ERBIN: variants seen among roughly 807,000 people sequenced by gnomAD.
The protein encoded by ERBIN is erbb2 interacting protein, also known as densin-180-like protein.
ERBIN carries 60 observed loss-of-function variants against 158.4 expected under a neutral mutation model. That is an observed-to-expected ratio of 0.38 (90% CI 0.31 to 0.47). The LOEUF is 0.47. Ranked by LOEUF, ERBIN falls within the 20% of genes least tolerant of loss-of-function variation. The pLI is 0.99. For synonymous variants in ERBIN, 594 were observed against 557.2 expected, an observed-to-expected ratio of 1.07 and a Z score of -0.93; for missense variants, 1,610 against 1,648.0, an observed-to-expected ratio of 0.98 and a Z score of 0.40.
intron 1 of ERBIN, among the ~76,000 whole-genome samples, chr5:65,975,199 G>T (rs1749718546): frequency 6.6e-6 from 1 of 152,124 alleles, no homozygotes; most frequent in Admixed American, 6.6e-5. Flanking sequence ...GTAGAGACAG[G>T]ATTTCACTAT....
chr5:65,953,339 T>A (rs1746736646), intron 1 of ERBIN, among the ~76,000 whole-genome samples: 1 of 152,192 alleles, frequency 6.6e-6, no homozygotes, highest in South Asian at 2.1e-4. Context: ...TATTTTAGGT[T>A]CTGCATACCC....
intron 1 of ERBIN, among the ~76,000 whole-genome samples, chr5:65,955,351 C>G (rs926171612): frequency 6.6e-6 from 1 of 152,046 alleles, no homozygotes; most frequent in African/African-American, 2.4e-5. Context: ...TCTGAGGGGC[C>G]GGGGATGGTG....
chr5:66,007,969 A>C (rs1305533215), intron 4 of ERBIN, among the ~76,000 whole-genome samples: 1 of 152,236 alleles, frequency 6.6e-6, no homozygotes, highest in Non-Finnish European at 1.5e-5. Context: ...TCAAAAGTAG[A>C]AAACCAGTGT....
Position 65,992,917 on chromosome 5 carries a change from T to C in ERBIN, c.189+10T>C, listed in dbSNP as rs757813661. 5 of 1,530,082 alleles carry C rather than the reference T, an allele frequency of 3.3e-6. No homozygotes were observed. In the African/African-American group the frequency reaches 7.0e-5, roughly 21 times the overall value. 94.8% of individuals were successfully genotyped at this position (1,530,082 alleles called of 1,614,324 possible). Reference sequence around the variant, plus strand: ...TGAAGAGCTTCCAAAGGTATGCTAATACTTTCTTTCAAGAATTATCTTTGG... The same window carrying C: ...TGAAGAGCTTCCAAAGGTATGCTAACACTTTCTTTCAAGAATTATCTTTGG... On this transcript the variant is annotated intron_variant, in intron 3 of 25. Coordinates refer to ENST00000284037, the MANE Select transcript of ERBIN (RefSeq NM_001253697.2).
intron 1 of ERBIN, among the ~76,000 whole-genome samples, chr5:65,969,541 C>T (rs1395424251): frequency 2.0e-5 from 3 of 152,062 alleles, no homozygotes; most frequent in Non-Finnish European, 4.4e-5. Flanking sequence ...AATCTAGACT[C>T]AAATGTAAAG....
At chr5:65,938,613 C>T (rs575879030) in intron 1 of ERBIN, among the ~76,000 whole-genome samples, 13 of 152,148 alleles carry the variant, frequency 8.5e-5, no homozygotes, top group African/African-American at 3.1e-4. Context: ...ATTGCAGTGG[C>T]GCAATCTGGG....
intron 1 of ERBIN, among the ~76,000 whole-genome samples, chr5:65,935,792 A>C (rs1561263408): frequency 1.3e-5 from 2 of 152,082 alleles, no homozygotes; most frequent in African/African-American, 4.8e-5. Context: ...TGGCATGATC[A>C]CTGCTCACTG....
At chr5:66,059,252 C>T (rs1328259355) in intron 21 of ERBIN, among the ~76,000 whole-genome samples, 3 of 152,282 alleles carry the variant, frequency 2.0e-5, no homozygotes, top group South Asian at 2.1e-4. Flanking sequence ...AGGTCCTTCA[C>T]ATCCCTTGTA....
In ERBIN at chr5:66,043,130, A is replaced by C. The variant is rs753175879; in HGVS notation, c.1360A>C (p.Arg454=). 21 of 1,612,564 alleles carry C rather than the reference A, an allele frequency of 1.3e-5. No individual in the cohort carries two copies. The South Asian group carries it at 2.1e-4, about 16-fold the overall frequency. The change falls in exon 16 of 26, where the codon AGG becomes CGG. Residue 454 remains arginine (R), a synonymous_variant. Transcript: ENST00000284037. ...SFNPSLWEEQ[R]KQRAQVAFEC... Reference sequence around the variant, plus strand: ...TAACCCTTCATTGTGGGAGGAACAGAGGAAACAGCGGGCTCAAGTTGCATT... The same window carrying C: ...TAACCCTTCATTGTGGGAGGAACAGCGGAAACAGCGGGCTCAAGTTGCATT...
chr5:65,972,000 A>G lies in ERBIN; in HGVS notation c.-57-16635A>G, dbSNP rs547469390. On this transcript the variant is annotated intron_variant, in intron 1 of 25. Transcript: ENST00000284037. ...TTCCACATGCTGCTTGCCAAGCTGT[A>G]TGCCTATAAGGGCTGCAGTTTTAAA... Among the ~76,000 whole-genome samples, 5 of 152,342 alleles carry G rather than the reference A, an allele frequency of 3.3e-5. No individual in the cohort carries two copies. In the South Asian group the frequency reaches 1.0e-3, roughly 32 times the overall value.
chr5:65,949,742 T>C (rs542149849), intron 1 of ERBIN, among the ~76,000 whole-genome samples: 11 of 152,376 alleles, frequency 7.2e-5, no homozygotes, highest in Middle Eastern at 6.8e-3. Context: ...CTACAGAGTT[T>C]AATTGAATTT....
chr5:65,964,407 A>G (rs369497916), intron 1 of ERBIN, among the ~76,000 whole-genome samples: 2 of 152,330 alleles, frequency 1.3e-5, no homozygotes, highest in East Asian at 3.9e-4. Flanking sequence ...TAACATGTAC[A>G]TACCTTGACT....
chr5:65,940,811 A>C (rs1483206711), intron 1 of ERBIN, among the ~76,000 whole-genome samples: 2 of 152,070 alleles, frequency 1.3e-5, no homozygotes, highest in African/African-American at 4.8e-5. Context: ...CCCGTCTGGG[A>C]AGTGTACCCA....
intron 1 of ERBIN, among the ~76,000 whole-genome samples, chr5:65,931,819 CTT>C (rs36048820): frequency 9.9e-5 from 13 of 131,904 alleles, no homozygotes; most frequent in African/African-American, 1.1e-4. Context: ...TCTTTTCTTT[CTT>C]TTTTTTTTTT....
rs576899872 is a variant in ERBIN at position 65,960,492 on chromosome 5, G to A, written c.-57-28143G>A. On this transcript the variant is annotated intron_variant, in intron 1 of 25. Coordinates refer to ENST00000284037, the MANE Select transcript of ERBIN (RefSeq NM_001253697.2). ...TCAAAAACAAACAATGAAACAGAGC[G>A]AAAATACTGATGCCTATGTCCTACC... Among the ~76,000 whole-genome samples, 183 of 152,250 alleles carry A rather than the reference G, an allele frequency of 1.2e-3. 1 individual carries two copies. The South Asian group carries it at 0.014, about 12-fold the overall frequency.
chr5:65,985,923 C>T (rs1310100666), intron 1 of ERBIN, among the ~76,000 whole-genome samples: 3 of 152,124 alleles, frequency 2.0e-5, no homozygotes, highest in Non-Finnish European at 4.4e-5. Context: ...ACATCTTCCT[C>T]CTTGAAACTT....
intron 5 of ERBIN, 101 bp from the exon 6 acceptor site, chr5:66,013,448 G>A (rs1754414816): frequency 1.1e-6 from 1 of 883,728 alleles, no homozygotes; most frequent in South Asian, 1.4e-5. Context: ...AGAAGCGACT[G>A]TTTTCTGTCT....
intron 17 of ERBIN, among the ~76,000 whole-genome samples, chr5:66,045,980 CAAAAGTTTT>C (rs1758404564): frequency 6.6e-6 from 1 of 152,132 alleles, no homozygotes; most frequent in African/African-American, 2.4e-5. Context: ...ATCACAGAAA[CAAAAGTTTT>C]ACCATGTCAT....
chr5:65,958,157 C>T (rs1429232329), intron 1 of ERBIN, among the ~76,000 whole-genome samples: 281 of 134,016 alleles, frequency 2.1e-3, no homozygotes, highest in South Asian at 4.0e-3. Flanking sequence ...GGCAGAGGGG[C>T]TCCTCACATC....
Sources: gnomAD v4.1 joint callset for allele counts (sites outside exome capture counted in the v4.1 genomes callset) on GRCh38, gnomAD v4.1.1 for gene constraint, MANE v1.5 for transcripts, NCBI Gene and HGNC (gene_info 2026-07-23, HGNC 2026-07-21) for gene names.